Variants in RBM26 observed in about 807,000 individuals in gnomAD.
RBM26 encodes RNA-binding protein 26.
RBM26 carries 30 observed loss-of-function variants against 123.6 expected under a neutral mutation model. The ratio of observed to expected loss-of-function variants is 0.24; its 90% CI spans 0.18 to 0.33. The LOEUF (loss-of-function observed/expected upper bound fraction) is 0.33. Ranked by LOEUF, RBM26 falls within the 10% of genes least tolerant of loss-of-function variation. The probability of loss-of-function intolerance (pLI) is 1.00; values close to 1 mark genes in which losing one functional copy is unlikely to be tolerated. For synonymous variants in RBM26, 400 were observed against 404.4 expected, an observed-to-expected ratio of 0.99 and a Z score of 0.13; for missense variants, 947 against 1,203.6, an observed-to-expected ratio of 0.79 and a Z score of 3.15.
chr13:79,368,029 ATTTTTAT>A (rs1156787496), intron 6 of RBM26, among the ~76,000 whole-genome samples: 238 of 110,378 alleles, frequency 2.2e-3, no homozygotes, highest in African/African-American at 7.4e-3. Flanking sequence ...TTATTTTTTT[ATTTTTAT>A]TTTTTTTGAG....
chr13:79,346,501 T>C (rs1470885045), intron 14 of RBM26, among the ~76,000 whole-genome samples: 2 of 152,058 alleles, frequency 1.3e-5, no homozygotes, highest in Non-Finnish European at 2.9e-5. Flanking sequence ...GCCTCCCAAG[T>C]AGCTGGGACC....
intron 20 of RBM26, among the ~76,000 whole-genome samples, chr13:79,330,834 T>A (rs969934263): frequency 2.0e-5 from 3 of 152,144 alleles, no homozygotes; most frequent in Non-Finnish European, 4.4e-5. Flanking sequence ...ACATGGCTAC[T>A]TTCCCACAAG....
rs1247333187 is a variant in RBM26, at chr13:79,379,041, CTTGAAGAAA to C, written c.72-143_72-135del. 6.5e-6 allele frequency: 4 copies of C among 616,940 alleles called. No individual in the cohort carries two copies. The East Asian group carries it at 1.1e-4, about 17-fold the overall frequency. The allele number at this position is 616,940 out of a possible 1,614,324, so 38.2% of individuals were successfully genotyped here. A position where few individuals can be genotyped will look rare whatever the true frequency, so the allele number is the denominator to read the frequency against. On this transcript the variant is annotated intron_variant, in intron 1 of 21. Coordinates refer to ENST00000438737, the MANE Select transcript of RBM26 (RefSeq NM_001366735.2). ...AAAAAGCACCCGGGTCACAGAGGAC[CTTGAAGAAA>C]TTTAAGTTCTCTTTATACTAACACT...
At chr13:79,361,769 A>C (rs539394917) in intron 9 of RBM26, among the ~76,000 whole-genome samples, 1 of 152,216 alleles carries the variant, frequency 6.6e-6, no homozygotes, top group African/African-American at 2.4e-5. Flanking sequence ...ATTTACTTTG[A>C]TGCTGACATT....
At chr13:79,364,427 C>T (rs1470334930) in intron 9 of RBM26, among the ~76,000 whole-genome samples, 1 of 151,976 alleles carries the variant, frequency 6.6e-6, no homozygotes, top group African/African-American at 2.4e-5. Context: ...TCACAACTGA[C>T]GAAGCATGAT....
downstream of RBM26, among the ~76,000 whole-genome samples, chr13:79,317,760 A>C (rs1315304884): frequency 6.6e-6 from 1 of 151,726 alleles, no homozygotes; most frequent in Non-Finnish European, 1.5e-5. Context: ...CACAAGTGAC[A>C]AACTCAAACT....
At chr13:79,401,055 T>C (rs1289831466) in intron 1 of RBM26, among the ~76,000 whole-genome samples, 7 of 152,096 alleles carry the variant, frequency 4.6e-5, no homozygotes, top group Non-Finnish European at 1.0e-4. Context: ...GGACTTACTA[T>C]GCCAAAAGAA....
chr13:79,314,067 T>G, downstream of RBM26: 1 of 151,686 alleles, frequency 6.6e-6, no homozygotes. Context: ...AGTCCCATTA[T>G]AAAAAAGATA....
chr13:79,342,216 C>T (rs999585425), intron 17 of RBM26, among the ~76,000 whole-genome samples: 3 of 151,560 alleles, frequency 2.0e-5, no homozygotes, highest in Non-Finnish European at 4.4e-5. Context: ...ATTGTATAAC[C>T]CTGTTTTTTT....
intron 20 of RBM26, among the ~76,000 whole-genome samples, chr13:79,330,218 A>G (rs1008999761): frequency 6.6e-6 from 1 of 152,176 alleles, no homozygotes; most frequent in African/African-American, 2.4e-5. Context: ...TTATTCTTAC[A>G]CACATTCATT....
At chr13:79,312,041 TAAAC>T (rs1316672266) in exon 5 of RBM26, 2 of 151,928 alleles carry the variant, frequency 1.3e-5, no homozygotes, top group Non-Finnish European at 2.9e-5. Context: ...TTTAAAAAAA[TAAAC>T]AAAAAAGCTG....
At chr13:79,387,312 C>T (rs2077575617) in intron 1 of RBM26, among the ~76,000 whole-genome samples, 1 of 151,714 alleles carries the variant, frequency 6.6e-6, no homozygotes, top group South Asian at 2.1e-4. Context: ...TGCCTATAAT[C>T]ACCCCTAAAA....
rs796198346 is a variant in RBM26 at position 79,349,703 on chromosome 13, C to CT, written c.2058+3449dup. On this transcript the variant is annotated intron_variant, in intron 14 of 21. Coordinates refer to ENST00000438737, the MANE Select transcript of RBM26 (RefSeq NM_001366735.2). ...AAAAAAAACTATGATAAATCCCACT[C>CT]TTTTTTTTTTTTTTGAGACAGAGTC... Among the ~76,000 whole-genome samples the CT allele has an allele frequency of 8.8e-3, 1,258 of 143,598 alleles. 19 individuals are homozygous for CT. Among genetic ancestry groups the CT allele is most frequent in the South Asian group, 0.065 (296 of 4,528 alleles). The allele number at this position is 143,598 out of a possible 152,430, so 94.2% of individuals were successfully genotyped here.
intron 20 of RBM26, among the ~76,000 whole-genome samples, chr13:79,326,421 T>G (rs1448274331): frequency 2.0e-5 from 3 of 152,002 alleles, no homozygotes; most frequent in Non-Finnish European, 2.9e-5. Flanking sequence ...GACGTAGTGG[T>G]CAAAAAGGTG....
chr13:79,404,884 C>T (rs1024886587), intron 1 of RBM26, among the ~76,000 whole-genome samples: 6 of 152,170 alleles, frequency 3.9e-5, no homozygotes, highest in Non-Finnish European at 7.3e-5. Flanking sequence ...TCCCCAAAGC[C>T]TCCCGTAGTA....
At chr13:79,334,270 A>G in intron 20 of RBM26, 74 bp downstream of exon 20, 1 of 833,022 alleles carries the variant, frequency 1.2e-6, no homozygotes, top group Non-Finnish European at 1.9e-6. Context: ...TAAAAAATTC[A>G]TTTATATTAA....
intron 16 of RBM26, among the ~76,000 whole-genome samples, chr13:79,343,342 C>G (rs1222327216): frequency 6.6e-6 from 1 of 151,662 alleles, no homozygotes; most frequent in Non-Finnish European, 1.5e-5. Context: ...GAACAGGAAA[C>G]AACAAGATAA....
Position 79,387,291 on chromosome 13 carries a change from A to AG in RBM26, c.72-8385_72-8384insC, listed in dbSNP as rs1555340141. 4.4e-4 allele frequency among the ~76,000 whole-genome samples: 3 copies of AG among 6,754 alleles called. No homozygotes were observed. The Non-Finnish European group carries it at 0.02, about 46-fold the overall frequency. 4.4% of individuals were successfully genotyped at this position (6,754 alleles called of 152,430 possible). A position where few individuals can be genotyped will look rare whatever the true frequency, so the allele number is the denominator to read the frequency against. ...AGGGATTACTAAATAATGAACTATG[A>AG]TAAAAAAAAATGCCTATAATCACCC... On this transcript the variant is annotated intron_variant, in intron 1 of 21. Coordinates refer to ENST00000438737, the MANE Select transcript of RBM26 (RefSeq NM_001366735.2).
downstream of RBM26, chr13:79,314,936 A>G: frequency 7.9e-7 from 1 of 1,262,746 alleles, no homozygotes; most frequent in Non-Finnish European, 1.1e-6. Context: ...TCCAGACAGG[A>G]ACTGGTCTTG....
Sources: gnomAD v4.1 joint callset for allele counts (sites outside exome capture counted in the v4.1 genomes callset) on GRCh38, gnomAD v4.1.1 for gene constraint, MANE v1.5 for transcripts, NCBI Gene and HGNC (gene_info 2026-07-23, HGNC 2026-07-21) for gene names.